Variants in CELF1 observed in about 807,000 individuals in gnomAD.
CELF1 encodes 50 kDa nuclear polyadenylated RNA-binding protein.
In CELF1, 10 loss-of-function variants were observed where a neutral mutation model predicts 61.8. That is an observed-to-expected ratio of 0.16 (90% CI 0.10 to 0.27). CELF1 has a LOEUF of 0.27. Ranked by LOEUF, CELF1 falls within the 10% of genes least tolerant of loss-of-function variation. The probability of loss-of-function intolerance (pLI) is 1.00; values close to 1 mark genes in which losing one functional copy is unlikely to be tolerated. For missense variants in CELF1, 380 were observed against 639.1 expected, an observed-to-expected ratio of 0.59 and a Z score of 4.37; for synonymous variants, 236 against 225.1, an observed-to-expected ratio of 1.05 and a Z score of -0.43.
intron 1 of CELF1, among the ~76,000 whole-genome samples, chr11:47,526,417 TG>T (rs1368603037): frequency 2.0e-5 from 3 of 152,256 alleles, no homozygotes; most frequent in Admixed American, 2.0e-4. Flanking sequence ...TCTGAAACTC[TG>T]AGTGTGGTTT....
intron 1 of CELF1, among the ~76,000 whole-genome samples, chr11:47,520,514 G>A (rs1479118476): frequency 6.6e-6 from 1 of 152,102 alleles, no homozygotes; most frequent in Non-Finnish European, 1.5e-5. Context: ...GCAGGAACGA[G>A]GTAAAGAAGC....
intron 1 of CELF1, 84 bp downstream of exon 1, chr11:47,552,908 G>C: frequency 2.5e-6 from 1 of 396,992 alleles, no homozygotes; most frequent in Non-Finnish European, 4.4e-6. Flanking sequence ...CTCCCTAACC[G>C]GACCCGCCCC....
intron 2 of CELF1, among the ~76,000 whole-genome samples, chr11:47,558,716 T>TGACA (rs1166559896): frequency 1.6e-3 from 155 of 97,156 alleles, no homozygotes; most frequent in African/African-American, 7.0e-3. Flanking sequence ...ATATATAATA[T>TGACA]TATGACATAT....
At chr11:47,557,840 C>G (rs2097210422), upstream of CELF1, 2 of 150,832 alleles carry the variant, frequency 1.3e-5, no homozygotes, top group Admixed American at 6.6e-5. Context: ...CTGCCCTTGT[C>G]TCTAAAAGAA....
intron 5 of CELF1, 147 bp downstream of exon 5, chr11:47,487,012 A>ACTG: frequency 1.3e-6 from 1 of 745,250 alleles, no homozygotes; most frequent in Non-Finnish European, 2.3e-6. Context: ...TAATCTCTGA[A>ACTG]CTGCTCCCTT....
intron 3 of CELF1, among the ~76,000 whole-genome samples, chr11:47,497,641 T>C (rs1034314179): frequency 2.0e-5 from 3 of 152,210 alleles, no homozygotes; most frequent in Non-Finnish European, 4.4e-5. Flanking sequence ...TGACAATCCA[T>C]TCCCCGACTG....
intron 1 of CELF1, among the ~76,000 whole-genome samples, chr11:47,511,635 A>G (rs1194585390): frequency 1.3e-5 from 2 of 152,210 alleles, no homozygotes; most frequent in African/African-American, 2.4e-5. Flanking sequence ...AGCATTTACC[A>G]TACACTATGA....
At chr11:47,534,174 G>A (rs962875898) in intron 1 of CELF1, among the ~76,000 whole-genome samples, 5 of 151,076 alleles carry the variant, frequency 3.3e-5, no homozygotes, top group African/African-American at 9.7e-5. Flanking sequence ...GATTACAGGC[G>A]CCTGCCACCA....
intron 2 of CELF1, among the ~76,000 whole-genome samples, chr11:47,558,684 A>G (rs1256160119): frequency 9.7e-6 from 1 of 103,246 alleles, no homozygotes; most frequent in Non-Finnish European, 1.8e-5. Context: ...TATGTAATAT[A>G]TTATATATAA....
At chr11:47,565,484 C>A in exon 1 of CELF1, 3 of 759,486 alleles carry the variant, frequency 4.0e-6, no homozygotes, top group Non-Finnish European at 5.3e-6. Context: ...AGAGTCCAGG[C>A]CAGTCCCCGC....
intron 13 of CELF1, among the ~76,000 whole-genome samples, chr11:47,474,084 C>T (rs368148561): frequency 2.0e-5 from 3 of 151,958 alleles, no homozygotes; most frequent in East Asian, 1.9e-4. Context: ...TTTTTAGTAG[C>T]GATGGGGTTT....
intron 2 of CELF1, among the ~76,000 whole-genome samples, chr11:47,560,402 A>G (rs779888519): frequency 8.5e-5 from 13 of 152,340 alleles, no homozygotes; most frequent in Non-Finnish European, 1.6e-4. Context: ...TGACAGAGTG[A>G]GACTGTCTCA....
intron 1 of CELF1, among the ~76,000 whole-genome samples, chr11:47,523,001 T>A (rs773122835): frequency 1.6e-4 from 25 of 152,086 alleles, no homozygotes; most frequent in Non-Finnish European, 2.4e-4. Context: ...CTGGGCCTGT[T>A]AGAGTCCAGT....
chr11:47,538,743 A>C (rs1299522391), intron 1 of CELF1, among the ~76,000 whole-genome samples: 1 of 152,202 alleles, frequency 6.6e-6, no homozygotes, highest in Non-Finnish European at 1.5e-5. Context: ...CTCTGGAATA[A>C]AGTCTTTCAA....
rs547680359 is a variant in CELF1 at position 47,472,159 on chromosome 11, C to T, written c.*71G>A. On this transcript the variant is annotated 3_prime_UTR_variant, in exon 15 of 15. Transcript: ENST00000687097. ...CTGTCAACACACAGCCTCAGGGCTT[C>T]GAATCATTAAGGGTGCTCCTCCCCC... 48 of 1,574,122 alleles carry T rather than the reference C, an allele frequency of 3.0e-5. No individual in the cohort carries two copies. The East Asian group carries it at 3.6e-4, about 12-fold the overall frequency.
intron 3 of CELF1, among the ~76,000 whole-genome samples, chr11:47,490,946 C>G (rs1324886855): frequency 6.6e-6 from 1 of 151,690 alleles, no homozygotes. Context: ...ACTGCAACCT[C>G]TGCCTCCTAG....
At chr11:47,541,714 G>A (rs1450930081) in intron 1 of CELF1, among the ~76,000 whole-genome samples, 35 of 5,606 alleles carry the variant, frequency 6.2e-3, no homozygotes, top group Non-Finnish European at 8.1e-3. Flanking sequence ...AAGAAAGAAA[G>A]AAAGAAAGAA....
rs963110522 is a variant in CELF1 at position 47,477,358 on chromosome 11, T to C, written c.912A>G (p.Thr304=). ...LAAAASAAQN[T]PSGTNALTTS... ...TAGTGAGAGCATTGGTACCACTTGG[T>C]GTGTTCTGAGCTGCACTAGCTGCAG... is the stretch of plus-strand genomic sequence containing the variant. Residue 304 remains threonine (T), a synonymous_variant, in exon 11 of 15, where the codon ACA becomes ACG. Transcript: ENST00000687097. 6.2e-7 allele frequency: 1 copy of C among 1,613,812 alleles called. No homozygotes were observed. The highest frequency in any genetic ancestry group is 1.3e-5 in the African/African-American group (1 of 74,888).
chr11:47,480,139 A>G (rs987533658), intron 9 of CELF1, among the ~76,000 whole-genome samples: 1 of 142,602 alleles, frequency 7.0e-6, no homozygotes, highest in African/African-American at 2.7e-5. Flanking sequence ...GCCAGGCTGG[A>G]GTACAATGGT....
Sources: gnomAD v4.1 joint callset for allele counts (sites outside exome capture counted in the v4.1 genomes callset) on GRCh38, gnomAD v4.1.1 for gene constraint, MANE v1.5 for transcripts, NCBI Gene and HGNC (gene_info 2026-07-23, HGNC 2026-07-21) for gene names.